Variants in EIPR1 observed in about 807,000 individuals in gnomAD.
The protein encoded by EIPR1 is EARP complex and GARP complex interacting protein 1, also known as EARP and GARP complex-interacting protein 1.
Under a neutral mutation model 48.1 loss-of-function variants are expected in EIPR1, and 25 were observed. The ratio of observed to expected loss-of-function variants is 0.52; its 90% CI spans 0.38 to 0.73. EIPR1 has a LOEUF of 0.73. EIPR1 is among the 30% of genes least tolerant of loss of function. The probability of loss-of-function intolerance (pLI) is 0.00; values close to 1 mark genes in which losing one functional copy is unlikely to be tolerated. For synonymous variants in EIPR1, 204 were observed against 201.9 expected (o/e 1.01, Z -0.09); for missense variants, 415 against 506.2 (o/e 0.82, Z 1.73).
At chr2:3,241,931 G>A (rs966540562) in intron 4 of EIPR1, among the ~76,000 whole-genome samples, 7 of 152,168 alleles carry the variant, frequency 4.6e-5, no homozygotes, top group Non-Finnish European at 1.0e-4. Context: ...GGCACGTGGG[G>A]TGGGGATAAC....
At chr2:3,351,193 G>C (rs1670567081) in intron 2 of EIPR1, among the ~76,000 whole-genome samples, 3 of 152,030 alleles carry the variant, frequency 2.0e-5, no homozygotes, top group Non-Finnish European at 2.9e-5. Flanking sequence ...TAGAGACAGG[G>C]TTTCACCATG....
chr2:3,256,141 C>T (rs1233863842), intron 4 of EIPR1, among the ~76,000 whole-genome samples: 1 of 152,146 alleles, frequency 6.6e-6, no homozygotes, highest in Non-Finnish European at 1.5e-5. Flanking sequence ...AAAATAATTC[C>T]ACCACAAACT....
At chr2:3,217,359 A>G (rs1433602612) in intron 4 of EIPR1, among the ~76,000 whole-genome samples, 1 of 152,228 alleles carries the variant, frequency 6.6e-6, no homozygotes, top group African/African-American at 2.4e-5. Context: ...AGTAAGCTCT[A>G]GCTAAAAAGT....
intron 1 of EIPR1, among the ~76,000 whole-genome samples, chr2:3,364,822 G>A (rs769746281): frequency 2.0e-5 from 3 of 152,168 alleles, no homozygotes; most frequent in Non-Finnish European, 4.4e-5. Context: ...ACCAGAGACT[G>A]AGAAAAATAG....
At chr2:3,301,081 G>A (rs1373976941) in intron 3 of EIPR1, 2 of 152,166 alleles carry the variant, frequency 1.3e-5, no homozygotes, top group Admixed American at 6.5e-5. Context: ...CTGACTTTTA[G>A]AGCATTTCTG....
At chr2:3,303,031 G>A (rs1385111065) in intron 3 of EIPR1, among the ~76,000 whole-genome samples, 2 of 152,164 alleles carry the variant, frequency 1.3e-5, no homozygotes, top group Non-Finnish European at 2.9e-5. Context: ...TATGAAGACC[G>A]CTGAAAAGTG....
intron 3 of EIPR1, among the ~76,000 whole-genome samples, chr2:3,258,293 T>A (rs2694071): frequency 0.55 from 84,301 of 151,968 alleles, 23,740 homozygotes; most frequent in East Asian, 0.75. Context: ...ATAAATTTTT[T>A]AAAAATTAGA....
At chr2:3,309,101 G>A (rs757643267) in intron 3 of EIPR1, among the ~76,000 whole-genome samples, 3 of 152,156 alleles carry the variant, frequency 2.0e-5, no homozygotes, top group South Asian at 2.1e-4. Context: ...CTTTCTCCTC[G>A]TGAGCTTCTT....
At chr2:3,241,387 G>A (rs35545464) in intron 4 of EIPR1, among the ~76,000 whole-genome samples, 44,625 of 152,016 alleles carry the variant, frequency 0.29, 7,198 homozygotes, top group Non-Finnish European at 0.38. Context: ...TATTTTATAC[G>A]TAGCAATCCC....
At chr2:3,237,270 A>C (rs112253851) in intron 4 of EIPR1, among the ~76,000 whole-genome samples, 1,751 of 142,990 alleles carry the variant, frequency 0.012, 37 homozygotes, top group African/African-American at 0.043. Flanking sequence ...ACACACACAC[A>C]CCATACATAT....
chr2:3,377,489 C>T lies in EIPR1; in HGVS notation c.42+159G>A, dbSNP rs1659930677. 7 of 935,066 alleles carry T rather than the reference C, an allele frequency of 7.5e-6. No homozygotes were observed. The South Asian group carries it at 8.7e-5, about 12-fold the overall frequency. The allele number at this position is 935,066 out of a possible 1,614,324, so 57.9% of individuals were successfully genotyped here. On this transcript the variant is annotated intron_variant, in intron 1 of 8. Coordinates refer to ENST00000382125, the MANE Select transcript of EIPR1 (RefSeq NM_003310.5). Reference sequence around the variant, plus strand: ...GTTATCCAGTACAACCGTTTAACCTCCTAAAGCCTCAGTTTACTTCTCTGC... The same window carrying T: ...GTTATCCAGTACAACCGTTTAACCTTCTAAAGCCTCAGTTTACTTCTCTGC...
chr2:3,367,274 C>T (rs1367165074), intron 1 of EIPR1, among the ~76,000 whole-genome samples: 1 of 152,054 alleles, frequency 6.6e-6, no homozygotes, highest in African/African-American at 2.4e-5. Context: ...ATAATAGTGC[C>T]TTATTGCAGG....
At chr2:3,193,263 G>A (rs527808374) in intron 7 of EIPR1, among the ~76,000 whole-genome samples, 1 of 152,366 alleles carries the variant, frequency 6.6e-6, no homozygotes, top group South Asian at 2.1e-4. Context: ...CCAATCCGGG[G>A]TTTTAACATA....
chr2:3,197,933 C>CT (rs542453387), intron 5 of EIPR1, among the ~76,000 whole-genome samples: 70 of 152,306 alleles, frequency 4.6e-4, no homozygotes, highest in African/African-American at 1.7e-3. Flanking sequence ...AAACGAGCTG[C>CT]TAGACAGGCC....
chr2:3,200,725 G>C (rs1003909343), intron 5 of EIPR1, among the ~76,000 whole-genome samples: 2 of 152,122 alleles, frequency 1.3e-5, no homozygotes, highest in Non-Finnish European at 2.9e-5. Flanking sequence ...GATTAAGCTT[G>C]AGTCATGAAC....
intron 6 of EIPR1, 28 bp downstream of exon 6, chr2:3,196,853 G>A (rs766228717): frequency 6.2e-7 from 1 of 1,610,568 alleles, no homozygotes; most frequent in Non-Finnish European, 8.5e-7. Context: ...GAAAGGAAGT[G>A]GGGCCTGCGC....
intron 4 of EIPR1, among the ~76,000 whole-genome samples, chr2:3,252,222 C>T (rs111682603): frequency 0.019 from 2,847 of 152,300 alleles, 86 homozygotes; most frequent in African/African-American, 0.065. Context: ...AGAGGCTCAG[C>T]GTCCACAGAG....
chr2:3,267,363 C>CA (rs1454492108), intron 3 of EIPR1, among the ~76,000 whole-genome samples: 2 of 152,196 alleles, frequency 1.3e-5, no homozygotes, highest in Non-Finnish European at 2.9e-5. Flanking sequence ...TTAGGAGCAC[C>CA]ATGGAGGCTG....
intron 3 of EIPR1, among the ~76,000 whole-genome samples, chr2:3,285,194 C>G (rs1668141851): frequency 6.6e-6 from 1 of 152,144 alleles, no homozygotes; most frequent in Non-Finnish European, 1.5e-5. Flanking sequence ...TGGAGACACC[C>G]AGCCCAAGAG....
Sources: allele counts gnomAD v4.1 joint callset (sites outside exome capture counted in the v4.1 genomes callset), GRCh38; gene constraint gnomAD v4.1.1; transcripts MANE v1.5; gene names NCBI Gene and HGNC (gene_info 2026-07-23, HGNC 2026-07-21).